Variants in ERG observed in about 807,000 individuals in gnomAD.
The protein encoded by ERG is transcriptional regulator ERG.
ERG carries 9 observed loss-of-function variants against 55.3 expected under a neutral mutation model. The ratio of observed to expected loss-of-function variants is 0.16; its 90% confidence interval spans 0.10 to 0.28. The LOEUF (loss-of-function observed/expected upper bound fraction) is 0.28. ERG is among the 10% of genes least tolerant of loss of function. ERG has a pLI of 1.00. For missense variants in ERG, 434 were observed against 631.6 expected (o/e 0.69, Z 3.35); for synonymous variants, 223 against 237.3 (o/e 0.94, Z 0.55).
At chr21:38,447,644 T>C (rs1012930892) in intron 1 of ERG, among the ~76,000 whole-genome samples, 1 of 151,652 alleles carries the variant, frequency 6.6e-6, no homozygotes, top group Non-Finnish European at 1.5e-5. Flanking sequence ...ATCAGCACCA[T>C]AGACTTAGTC....
At chr21:38,577,965 TC>T (rs2060005086) in intron 1 of ERG, among the ~76,000 whole-genome samples, 1 of 151,804 alleles carries the variant, frequency 6.6e-6, no homozygotes, top group Non-Finnish European at 1.5e-5. Context: ...GTTTCAGGAG[TC>T]CCAGGCTCAG....
intron 1 of ERG, among the ~76,000 whole-genome samples, chr21:38,660,846 C>G (rs888931980): frequency 6.6e-6 from 1 of 150,728 alleles, no homozygotes; most frequent in African/African-American, 2.4e-5. Flanking sequence ...CGGGAGTCTT[C>G]GAGTGCGCGC....
intron 1 of ERG, among the ~76,000 whole-genome samples, chr21:38,583,373 C>G (rs541387548): frequency 3.4e-4 from 52 of 152,198 alleles, no homozygotes; most frequent in Non-Finnish European, 6.9e-4. Context: ...GGAGCACCGC[C>G]CGAAATCCTG....
intron 1 of ERG, among the ~76,000 whole-genome samples, chr21:38,497,404 C>T (rs762672175): frequency 2.6e-5 from 4 of 152,210 alleles, no homozygotes; most frequent in Non-Finnish European, 4.4e-5. Context: ...ATTTTCTTTT[C>T]CCTCCACTCA....
At chr21:38,466,919 A>T (rs2059096431) in intron 1 of ERG, among the ~76,000 whole-genome samples, 2 of 152,170 alleles carry the variant, frequency 1.3e-5, no homozygotes. Context: ...CACCTGGCGT[A>T]AGAAGCCCAA....
At chr21:38,556,062 T>C (rs1260835814) in intron 2 of ERG, among the ~76,000 whole-genome samples, 1 of 152,116 alleles carries the variant, frequency 6.6e-6, no homozygotes, top group Admixed American at 6.5e-5. Flanking sequence ...AATATTTAGC[T>C]TAAAATGTAT....
chr21:38,414,229 C>T (rs1989183698), intron 3 of ERG, among the ~76,000 whole-genome samples: 1 of 152,218 alleles, frequency 6.6e-6, no homozygotes, highest in Non-Finnish European at 1.5e-5. Flanking sequence ...GTTTCCATAT[C>T]ATCTTCCCTC....
chr21:38,642,216 T>G (rs2060429525), intron 1 of ERG, among the ~76,000 whole-genome samples: 1 of 152,242 alleles, frequency 6.6e-6, no homozygotes. Context: ...ATATATAATA[T>G]GATCCCCTTT....
At chr21:38,585,355 T>A (rs1022411925), upstream of ERG, among the ~76,000 whole-genome samples, 4 of 152,184 alleles carry the variant, frequency 2.6e-5, no homozygotes, top group Non-Finnish European at 4.4e-5. Flanking sequence ...CCGAGAACTG[T>A]AATTAAGCAA....
chr21:38,439,595 G>T (rs1391354031), intron 2 of ERG, among the ~76,000 whole-genome samples: 1 of 152,226 alleles, frequency 6.6e-6, no homozygotes, highest in African/African-American at 2.4e-5. Context: ...GCTGAAAAAT[G>T]ATGTCCTGTG....
At chr21:38,367,950 A>C in the ERG span, among the ~76,000 whole-genome samples, 1 of 152,208 alleles carries the variant, frequency 6.6e-6, no homozygotes. Context: ...TGGTGGAAGC[A>C]AAACTGGGGC....
intron 3 of ERG, among the ~76,000 whole-genome samples, chr21:38,404,273 C>G (rs1296678033): frequency 6.6e-6 from 1 of 152,192 alleles, no homozygotes; most frequent in African/African-American, 2.4e-5. Context: ...TATGAGCCAG[C>G]GTTCCTCATA....
At chr21:38,547,335 TG>T (rs1316149575) in intron 2 of ERG, among the ~76,000 whole-genome samples, 4 of 152,244 alleles carry the variant, frequency 2.6e-5, no homozygotes, top group African/African-American at 9.6e-5. Context: ...CATTCTGTGT[TG>T]CTCAACAAGA....
chr21:38,514,317 G>A (rs2059536209), intron 2 of ERG, among the ~76,000 whole-genome samples: 1 of 150,738 alleles, frequency 6.6e-6, no homozygotes. Context: ...TATTTAAAAA[G>A]GAAAATTATG....
chr21:38,643,156 T>C (rs1199057797), intron 1 of ERG, among the ~76,000 whole-genome samples: 2 of 152,192 alleles, frequency 1.3e-5, no homozygotes, highest in Non-Finnish European at 2.9e-5. Flanking sequence ...ATCCCGAATA[T>C]GTAAGAAAAG....
At chr21:38,392,217 C>A in intron 7 of ERG, 159 bp downstream of exon 7, 1 of 721,848 alleles carries the variant, frequency 1.4e-6, no homozygotes, top group Non-Finnish European at 2.5e-6. Context: ...GAGAAAGAAT[C>A]ACTGCAGTGA....
intron 1 of ERG, among the ~76,000 whole-genome samples, chr21:38,609,298 A>T (rs910684849): frequency 5.9e-5 from 9 of 152,158 alleles, no homozygotes; most frequent in African/African-American, 2.2e-4. Context: ...CCTGAACCAA[A>T]CTGAAAATAC....
At position 38,382,208 on chromosome 21, in the gene ERG, A is replaced by G. The variant is rs1163897033; in HGVS notation, c.*1195T>C. On this transcript the variant is annotated 3_prime_UTR_variant, in exon 10 of 10. Transcript: ENST00000288319. ...AGATCAACTCGTAGTGTATAAATGC[A>G]TAAGTTATATAATTATTATATAAAA... 5.7e-6 allele frequency: 6 copies of G among 1,047,328 alleles called. No homozygotes were observed. Among genetic ancestry groups the G allele is most frequent in the Middle Eastern group, 4.3e-4 (1 of 2,324 alleles). 64.9% of individuals were successfully genotyped at this position (1,047,328 alleles called of 1,614,324 possible).
intron 3 of ERG, among the ~76,000 whole-genome samples, chr21:38,415,636 CA>C (rs1989244319): frequency 6.6e-6 from 1 of 152,120 alleles, no homozygotes; most frequent in Non-Finnish European, 1.5e-5. Flanking sequence ...AGACACAAGT[CA>C]TTTCACCAGC....
Sources: gnomAD v4.1 joint callset for allele counts (sites outside exome capture counted in the v4.1 genomes callset) on GRCh38, gnomAD v4.1.1 for gene constraint, MANE v1.5 for transcripts, NCBI Gene and HGNC (gene_info 2026-07-23, HGNC 2026-07-21) for gene names.